C2CD5: variants seen among roughly 807,000 people sequenced by gnomAD.
C2CD5 encodes C2 domain-containing protein 5.
Under a neutral mutation model 130.3 loss-of-function variants are expected in C2CD5, and 109 were observed. The ratio of observed to expected loss-of-function variants is 0.84; its 90% CI spans 0.72 to 0.98. The LOEUF is 0.98. C2CD5 is among the 50% of genes least tolerant of loss of function. C2CD5 has a pLI of 0.00. For missense variants in C2CD5, 996 were observed against 1,261.8 expected, an observed-to-expected ratio of 0.79 and a Z score of 3.19; for synonymous variants, 454 against 429.2, an observed-to-expected ratio of 1.06 and a Z score of -0.71.
chr12:22,477,697 A>G (rs369823938), intron 15 of C2CD5, among the ~76,000 whole-genome samples: 57 of 152,180 alleles, frequency 3.7e-4, no homozygotes, highest in African/African-American at 1.3e-3. Flanking sequence ...GACTCTTGCC[A>G]TCAGTCATCC....
chr12:22,489,174 C>T (rs895594934), intron 12 of C2CD5, among the ~76,000 whole-genome samples: 1 of 152,060 alleles, frequency 6.6e-6, no homozygotes, highest in African/African-American at 2.4e-5. Context: ...CCGCACTTGG[C>T]CTTTGCTTCC....
At chr12:22,487,221 A>G (rs1945660743) in intron 12 of C2CD5, among the ~76,000 whole-genome samples, 2 of 152,334 alleles carry the variant, frequency 1.3e-5, no homozygotes, top group African/African-American at 2.4e-5. Context: ...TAATTCAACT[A>G]AAGAGCTTCT....
Position 22,470,819 on chromosome 12 carries a change from T to C in C2CD5, c.2446+5A>G. The C allele has an allele frequency of 1.9e-6, 3 of 1,580,538 alleles. No individual in the cohort carries two copies. Among genetic ancestry groups the C allele is most frequent in the East Asian group, 2.2e-5 (1 of 44,614 alleles). ...AACTGAACTTCCTATTCAGTAAAGA[T>C]TTACCTCTTTGCAATGACTTTTCAA... On this transcript the variant is annotated splice_donor_5th_base_variant and intron_variant, in intron 21 of 26. Transcript: ENST00000446597.
intron 4 of C2CD5, among the ~76,000 whole-genome samples, chr12:22,527,317 C>CAT (rs996090197): frequency 0.026 from 3,362 of 131,582 alleles, 91 homozygotes; most frequent in South Asian, 0.064. Flanking sequence ...ATATTATATA[C>CAT]ATATATATAT....
chr12:22,503,026 T>C (rs1218620803), intron 10 of C2CD5, among the ~76,000 whole-genome samples: 1 of 152,214 alleles, frequency 6.6e-6, no homozygotes, highest in Non-Finnish European at 1.5e-5. Flanking sequence ...CCTTGATTTT[T>C]AAAACCACCC....
intron 10 of C2CD5, among the ~76,000 whole-genome samples, chr12:22,505,250 CTTTCTTTTTTT>C (rs1164011750): frequency 7.2e-6 from 1 of 138,746 alleles, no homozygotes; most frequent in African/African-American, 2.9e-5. Context: ...ACCCTTCTTT[CTTTCTTTTTTT>C]TTTTTTTTTT....
At chr12:22,527,340 T>A (rs1431916104) in intron 4 of C2CD5, among the ~76,000 whole-genome samples, 1 of 145,638 alleles carries the variant, frequency 6.9e-6, no homozygotes, top group African/African-American at 2.6e-5. Flanking sequence ...ATTTTTTTTT[T>A]TTTTTTTTGA....
intron 10 of C2CD5, among the ~76,000 whole-genome samples, chr12:22,497,963 C>T (rs373622782): frequency 1.3e-5 from 2 of 151,212 alleles, no homozygotes; most frequent in South Asian, 2.1e-4. Flanking sequence ...ATTTTCATTA[C>T]TCTAAAATTA....
intron 9 of C2CD5, among the ~76,000 whole-genome samples, chr12:22,512,927 T>C (rs1949348263): frequency 6.6e-6 from 1 of 152,022 alleles, no homozygotes; most frequent in Non-Finnish European, 1.5e-5. Context: ...ATATTTATAT[T>C]CTAAGGAATT....
chr12:22,478,017 A>G (rs903261858), intron 15 of C2CD5: 6 of 349,198 alleles, frequency 1.7e-5, no homozygotes, highest in South Asian at 1.6e-4. Context: ...ACACTCACAC[A>G]CACACACACA....
At position 22,482,627 on chromosome 12, in the gene C2CD5, T is replaced by C; in HGVS notation, c.1667A>G (p.Lys556Arg). 3.7e-6 allele frequency: 6 copies of C among 1,613,652 alleles called. No homozygotes were observed. The highest frequency in any genetic ancestry group is 2.2e-5 in the South Asian group (2 of 91,066). Residue 556 changes from lysine (K) to arginine (R), a missense_variant, in exon 14 of 27, where the codon AAA becomes AGA. Physicochemically the swap from Lys to Arg is conservative, Grantham distance 26. Transcript: ENST00000446597. ...TAGTCCAAACAAAGCATTCATTCCT[T>C]TGAGTTTTAGTTTATTCATTAGCTG... ...HTQLMNKLKL[K>R]GMNALFGLRI...
intron 14 of C2CD5, among the ~76,000 whole-genome samples, chr12:22,480,324 A>G (rs930975840): frequency 2.0e-5 from 3 of 152,188 alleles, no homozygotes; most frequent in Admixed American, 6.5e-5. Context: ...AGTGAAGATA[A>G]TATCACATTC....
At chr12:22,477,441 T>A (rs1323648271) in intron 15 of C2CD5, 1 of 152,186 alleles carries the variant, frequency 6.6e-6, no homozygotes, top group African/African-American at 2.4e-5. Context: ...CCAGACACAC[T>A]GTTCCAGAAG....
intron 12 of C2CD5, among the ~76,000 whole-genome samples, chr12:22,488,128 G>A (rs1208597471): frequency 1.3e-5 from 2 of 151,922 alleles, no homozygotes; most frequent in African/African-American, 4.8e-5. Context: ...ACATCAACAT[G>A]GCACAGGTAT....
In C2CD5 at chr12:22,479,670, T is replaced by C. The variant is rs377100200; in HGVS notation, c.1738-1193A>G. Among the ~76,000 whole-genome samples, 14 of 152,266 alleles carry C rather than the reference T, an allele frequency of 9.2e-5. No homozygotes were observed. The East Asian group carries it at 2.3e-3, about 25-fold the overall frequency. On this transcript the variant is annotated intron_variant, in intron 14 of 26. Transcript: ENST00000446597. ...CCTAATTAGCAGAGAAAAGTGTTTATTAGATACAGATTTATTTTAAATATC... is the reference window on the plus strand; with the variant it reads ...CCTAATTAGCAGAGAAAAGTGTTTACTAGATACAGATTTATTTTAAATATC...
chr12:22,542,810 T>C (rs1038920276), intron 2 of C2CD5, among the ~76,000 whole-genome samples: 1 of 152,212 alleles, frequency 6.6e-6, no homozygotes, highest in Non-Finnish European at 1.5e-5. Flanking sequence ...CATGGGACAA[T>C]AACAATACTC....
chr12:22,497,414 CAAAT>C (rs149694600), intron 10 of C2CD5, among the ~76,000 whole-genome samples: 6,205 of 151,978 alleles, frequency 0.041, 443 homozygotes, highest in African/African-American at 0.14. Flanking sequence ...TAAATACAAA[CAAAT>C]ATTGTTTAAA....
intron 7 of C2CD5, among the ~76,000 whole-genome samples, chr12:22,521,745 A>G (rs930445553): frequency 6.6e-6 from 1 of 152,228 alleles, no homozygotes; most frequent in Non-Finnish European, 1.5e-5. Context: ...AAAATTAAGC[A>G]GTATGTAACA....
chr12:22,459,816 TATAAAC>T (rs1940734793), intron 22 of C2CD5, among the ~76,000 whole-genome samples: 1 of 152,064 alleles, frequency 6.6e-6, no homozygotes. Flanking sequence ...CACAAGAAAA[TATAAAC>T]ATAGTAACGA....
Sources: gnomAD v4.1 joint callset for allele counts (sites outside exome capture counted in the v4.1 genomes callset) on GRCh38, gnomAD v4.1.1 for gene constraint, MANE v1.5 for transcripts, NCBI Gene and HGNC (gene_info 2026-07-23, HGNC 2026-07-21) for gene names.